Variants in TMEM132B observed in about 807,000 individuals in gnomAD.
The protein encoded by TMEM132B is transmembrane protein 132B.
TMEM132B carries 18 observed loss-of-function variants against 90.8 expected under a neutral mutation model. The ratio of observed to expected loss-of-function variants is 0.20; its 90% CI spans 0.14 to 0.29. The LOEUF is 0.29. Ranked by LOEUF, TMEM132B falls within the 10% of genes least tolerant of loss-of-function variation. The pLI, the probability that TMEM132B is intolerant of heterozygous loss-of-function variation, is 1.00. For missense variants in TMEM132B, 1,096 were observed against 1,326.8 expected (o/e 0.83, Z 2.70); for synonymous variants, 504 against 523.3 (o/e 0.96, Z 0.50).
chr12:125,432,308 C>G (rs1880532106), intron 3 of TMEM132B, among the ~76,000 whole-genome samples: 1 of 141,062 alleles, frequency 7.1e-6, no homozygotes, highest in Non-Finnish European at 1.5e-5. Flanking sequence ...AAATTGGAAC[C>G]TGGAGGAAGC....
In TMEM132B at chr12:125,652,625, C is replaced by T. The variant is rs1316281905; in HGVS notation, c.2099C>T (p.Pro700Leu). 27 of 1,611,362 alleles carry T rather than the reference C, an allele frequency of 1.7e-5. No homozygotes were observed. The highest frequency in any genetic ancestry group is 2.2e-5 in the Non-Finnish European group (26 of 1,178,698). Residue 700 changes from proline to leucine, a missense_variant, in exon 8 of 9, where the codon CCA (proline) becomes CTA (leucine). Physicochemically the swap from Pro to Leu is moderately conservative, Grantham distance 98. Coordinates refer to ENST00000682704, the MANE Select transcript of TMEM132B (RefSeq NM_001366854.1). The stretch of plus-strand genomic sequence containing the variant: ...GCTGCCCTGGATGTTCTTCAGTCCC[C>T]ACAGCAGGTGAGCGTTCCAGGGGCC... ...TAAALDVLQSPQQEAIVSSWI... is the reference protein window; with the variant it reads ...TAAALDVLQSLQQEAIVSSWI...
chr12:125,261,759 T>C (rs919623132), intron 1 of TMEM132B, among the ~76,000 whole-genome samples: 1 of 152,146 alleles, frequency 6.6e-6, no homozygotes, highest in African/African-American at 2.4e-5. Flanking sequence ...AAAAAGGGGT[T>C]ATATGTGTCC....
intron 3 of TMEM132B, among the ~76,000 whole-genome samples, chr12:125,432,528 T>TATATATATATATATAGAG (rs1458075923): frequency 2.6e-5 from 1 of 39,124 alleles, no homozygotes; most frequent in African/African-American, 1.2e-4. Flanking sequence ...TATATATATA[T>TATATATATATATATAGAG]AGAGAGAGAG....
rs142342204 is a variant in TMEM132B at position 125,377,789 on chromosome 12, C to A, written c.959+27446C>A. Among the ~76,000 whole-genome samples the A allele has an allele frequency of 3.9e-3, 596 of 152,210 alleles. 6 individuals carry two copies. The highest frequency in any genetic ancestry group is 0.013 in the African/African-American group (553 of 41,540). ...AAAGAGAATCTCTTTCTAGAGCCTG[C>A]AACTCTGGCTGCTTGCTATGGGTTC... is the stretch of plus-strand genomic sequence containing the variant. On this transcript the variant is annotated intron_variant, in intron 2 of 8. Transcript: ENST00000682704.
At chr12:125,344,214 G>T (rs1404770037) in intron 1 of TMEM132B, among the ~76,000 whole-genome samples, 4 of 152,134 alleles carry the variant, frequency 2.6e-5, no homozygotes, top group Non-Finnish European at 5.9e-5. Context: ...ATGAGTGACT[G>T]GATATAGTAG....
chr12:125,275,172 G>A (rs1420913869), intron 1 of TMEM132B, among the ~76,000 whole-genome samples: 1 of 152,144 alleles, frequency 6.6e-6, no homozygotes, highest in African/African-American at 2.4e-5. Flanking sequence ...CTTCCACGGA[G>A]CTCTGTGATC....
intron 1 of TMEM132B, among the ~76,000 whole-genome samples, chr12:125,300,487 G>GCCTA (rs1221694975): frequency 6.6e-6 from 1 of 152,104 alleles, no homozygotes; most frequent in Non-Finnish European, 1.5e-5. Flanking sequence ...CTACCTATCT[G>GCCTA]CCTACATCCA....
chr12:125,348,499 G>GT lies in TMEM132B; in HGVS notation c.68-937dup, dbSNP rs10570406. On this transcript the variant is annotated intron_variant, in intron 1 of 8. Transcript: ENST00000682704. ...GCCACCATGCCTGGATAATTTTTGT[G>GT]TTTTTTTTTTTTTTTTGTAGAGACA... Among the ~76,000 whole-genome samples, 1,140 of 137,054 alleles carry GT rather than the reference G, an allele frequency of 8.3e-3. 9 individuals are homozygous for GT. Among genetic ancestry groups the GT allele is most frequent in the Non-Finnish European group, 0.012 (788 of 64,224 alleles). 89.9% of individuals were successfully genotyped at this position (137,054 alleles called of 152,430 possible). A position where few individuals can be genotyped will look rare whatever the true frequency, so the allele number is the denominator to read the frequency against.
Position 125,543,278 on chromosome 12 carries a change from C to T in TMEM132B, c.1293+23653C>T, listed in dbSNP as rs189240691. Reference sequence around the variant, plus strand: ...GTTCTGCATTTGTGGATTCAACCAACCATGAATGGAAAATATTAGAAAACT... The same window carrying T: ...GTTCTGCATTTGTGGATTCAACCAATCATGAATGGAAAATATTAGAAAACT... On this transcript the variant is annotated intron_variant, in intron 4 of 8. Coordinates refer to ENST00000682704, the MANE Select transcript of TMEM132B (RefSeq NM_001366854.1). Among the ~76,000 whole-genome samples the T allele has an allele frequency of 1.6e-3, 246 of 152,198 alleles. 2 individuals carry two copies. Among genetic ancestry groups the T allele is most frequent in the African/African-American group, 5.1e-3 (211 of 41,508 alleles).
chr12:125,475,147 A>G (rs1881839640), intron 3 of TMEM132B, among the ~76,000 whole-genome samples: 1 of 152,140 alleles, frequency 6.6e-6, no homozygotes, highest in Non-Finnish European at 1.5e-5. Flanking sequence ...AAATTTGAAT[A>G]AATTAGAAGT....
At chr12:125,427,847 A>C (rs377003) in intron 3 of TMEM132B, among the ~76,000 whole-genome samples, 146,119 of 152,282 alleles carry the variant, frequency 0.96, 70,401 homozygotes, top group East Asian at 1. Context: ...CTTATGCAGG[A>C]AAAAATTGAA....
At chr12:125,330,544 T>A (rs1876736409) in intron 1 of TMEM132B, among the ~76,000 whole-genome samples, 2 of 152,170 alleles carry the variant, frequency 1.3e-5, no homozygotes, top group Non-Finnish European at 2.9e-5. Flanking sequence ...TTGTCAAATT[T>A]AAATTTTTTA....
Position 125,657,035 on chromosome 12 carries a change from A to G in TMEM132B, c.*2325A>G, listed in dbSNP as rs1344982358. ...TGGGGAGTGTTATTCAGGAACATAA[A>G]AATTAGAGCATTCCCTCTGATGGCA... is the stretch of plus-strand genomic sequence containing the variant. On this transcript the variant is annotated 3_prime_UTR_variant, in exon 9 of 9. Transcript: ENST00000682704. 1 of 152,170 alleles carries G rather than the reference A, an allele frequency of 6.6e-6. No individual in the cohort carries two copies. The highest frequency in any genetic ancestry group is 1.5e-5 in the Non-Finnish European group (1 of 68,048). 9.4% of individuals were successfully genotyped at this position (152,170 alleles called of 1,614,324 possible).
intron 1 of TMEM132B, among the ~76,000 whole-genome samples, chr12:125,270,138 G>GTGTGTGTA (rs1443000607): frequency 6.6e-6 from 1 of 151,742 alleles, no homozygotes; most frequent in African/African-American, 2.4e-5. Context: ...GTGTGTGTGT[G>GTGTGTGTA]TGTGTGTGTG....
chr12:125,495,630 A>G (rs568141161), intron 3 of TMEM132B, among the ~76,000 whole-genome samples: 2 of 152,314 alleles, frequency 1.3e-5, no homozygotes, highest in East Asian at 3.9e-4. Flanking sequence ...TTAAACCAGT[A>G]TAAGTGGAAT....
intron 1 of TMEM132B, among the ~76,000 whole-genome samples, chr12:125,190,167 G>A (rs1426655731): frequency 6.6e-6 from 1 of 151,864 alleles, no homozygotes; most frequent in Non-Finnish European, 1.5e-5. Flanking sequence ...TTGGAGGCCT[G>A]GGCTCCCCTC....
At position 125,458,221 on chromosome 12, in the gene TMEM132B, C is replaced by T. The variant is rs1263135283; in HGVS notation, c.1106+42544C>T. On this transcript the variant is annotated intron_variant, in intron 3 of 8. Transcript: ENST00000682704. The surrounding 1 kb of genome is among the most constrained non-coding windows in gnomAD (Gnocchi z 4.9). ...TGAGGCCAAAAACAAGGGCCTTGGA[C>T]AAGGCCCTTGTCCAAGGACAAGGGA... Among the ~76,000 whole-genome samples, 1 of 147,988 alleles carries T rather than the reference C, an allele frequency of 6.8e-6. No homozygotes were observed. The highest frequency in any genetic ancestry group is 1.5e-5 in the Non-Finnish European group (1 of 65,596).
At chr12:125,358,537 T>G (rs1210888380) in intron 2 of TMEM132B, among the ~76,000 whole-genome samples, 1 of 152,198 alleles carries the variant, frequency 6.6e-6, no homozygotes, top group African/African-American at 2.4e-5. Flanking sequence ...TATATTTTTT[T>G]CTATGACTTT....
At chr12:125,597,686 A>G (rs1885473711) in intron 5 of TMEM132B, among the ~76,000 whole-genome samples, 1 of 152,198 alleles carries the variant, frequency 6.6e-6, no homozygotes, top group African/African-American at 2.4e-5. Context: ...CAGCTTCATA[A>G]GAGACAGAGA....
Sources: gnomAD v4.1 joint callset for allele counts (sites outside exome capture counted in the v4.1 genomes callset) on GRCh38, gnomAD v4.1.1 for gene constraint, Gnocchi (gnomAD v3.1) non-coding constraint, MANE v1.5 for transcripts, NCBI Gene and HGNC (gene_info 2026-07-23, HGNC 2026-07-21) for gene names.